Variants in KCTD9 observed in about 807,000 individuals in gnomAD.
The protein encoded by KCTD9 is BTB/POZ domain-containing protein KCTD9.
Under a neutral mutation model 53.3 loss-of-function variants are expected in KCTD9, and 17 were observed. The observed-to-expected ratio is 0.32, with a 90% confidence interval of 0.22 to 0.48. KCTD9 has a LOEUF of 0.48. Ranked by LOEUF, KCTD9 falls within the 20% of genes least tolerant of loss-of-function variation. The probability of loss-of-function intolerance (pLI) is 0.99; values close to 1 mark genes in which losing one functional copy is unlikely to be tolerated. For synonymous variants in KCTD9, 128 were observed against 162.7 expected, an observed-to-expected ratio of 0.79 and a Z score of 1.62; for missense variants, 179 against 465.5, an observed-to-expected ratio of 0.38 and a Z score of 5.66.
At position 25,451,438 on chromosome 8, in the gene KCTD9, T is replaced by C. The variant is rs1345094068; in HGVS notation, c.49-5188A>G. On this transcript the variant is annotated intron_variant, in intron 1 of 11. Transcript: ENST00000221200. ...TCCTCATACTGAGCCAAATAAATCA[T>C]AAAATGATAGTGCTTACAAAGGTCA... The C allele has an allele frequency of 2.0e-5, 3 of 152,186 alleles. No homozygotes were observed. The East Asian group carries it at 5.8e-4, about 29-fold the overall frequency. 9.4% of individuals were successfully genotyped at this position (152,186 alleles called of 1,614,324 possible).
Position 25,458,240 on chromosome 8 carries a change from G to A in KCTD9, c.7C>T (p.Arg3Trp). 1 of 1,379,662 alleles carries A rather than the reference G, an allele frequency of 7.2e-7. No homozygotes were observed. Among genetic ancestry groups the A allele is most frequent in the Non-Finnish European group, 9.6e-7 (1 of 1,040,200 alleles). 85.5% of individuals were successfully genotyped at this position (1,379,662 alleles called of 1,614,324 possible). Residue 3 changes from arginine to tryptophan, a missense_variant, in exon 1 of 12, where the codon CGG becomes TGG. Arg to Trp is a moderately radical substitution (Grantham distance 101, BLOSUM62 -3). Coordinates refer to ENST00000221200, the MANE Select transcript of KCTD9 (RefSeq NM_017634.4). ...CTGCCGTTCAGGAACAGGGTCACCCGCCTCATCGCGCTGCCCCCGCTGGGT... is the reference window on the plus strand; with the variant it reads ...CTGCCGTTCAGGAACAGGGTCACCCACCTCATCGCGCTGCCCCCGCTGGGT... MR[R>W]VTLFLNGSPK...
chr8:25,457,280 G>T, intron 1 of KCTD9: 1 of 809,636 alleles, frequency 1.2e-6, no homozygotes, highest in Non-Finnish European at 1.5e-6. Context: ...AACCAACACA[G>T]CGAGACCCAT....
intron 9 of KCTD9, 129 bp downstream of exon 9, chr8:25,435,234 T>C: frequency 1.7e-6 from 1 of 579,618 alleles, no homozygotes. Context: ...TATATCAACA[T>C]AATAAATTAT....
chr8:25,433,828 G>A (rs935627622), intron 9 of KCTD9, among the ~76,000 whole-genome samples: 14 of 152,074 alleles, frequency 9.2e-5, no homozygotes, highest in African/African-American at 3.4e-4. Context: ...ACTTGTTAGG[G>A]GTATGGATTT....
intron 1 of KCTD9, among the ~76,000 whole-genome samples, chr8:25,447,601 C>T (rs994962135): frequency 6.6e-6 from 1 of 152,074 alleles, no homozygotes; most frequent in Non-Finnish European, 1.5e-5. Context: ...CGATAACATA[C>T]GAGTGTGCAG....
intron 6 of KCTD9, among the ~76,000 whole-genome samples, chr8:25,438,158 T>G (rs1431052664): frequency 1.3e-5 from 2 of 152,168 alleles, no homozygotes; most frequent in Non-Finnish European, 2.9e-5. Flanking sequence ...TGACACAGCA[T>G]GGATAAATAT....
At position 25,427,863 on chromosome 8, in the gene KCTD9, TACTTTA is replaced by T. The variant is rs1235700392; in HGVS notation, c.*1988_*1993del. On this transcript the variant is annotated 3_prime_UTR_variant, in exon 12 of 12. Transcript: ENST00000221200. ...ATAATCATGTTTAAAGAAATAAATT[TACTTTA>T]ATGGTACTTTCAAAAAGACTAATCC... 9.6e-6 allele frequency: 1 copy of T among 104,514 alleles called. No homozygotes were observed. 6.5% of individuals were successfully genotyped at this position (104,514 alleles called of 1,614,324 possible).
chr8:25,440,260 A>G (rs4871941), intron 4 of KCTD9, among the ~76,000 whole-genome samples: 146,952 of 150,900 alleles, frequency 0.97, 71,658 homozygotes, highest in East Asian at 1. Context: ...GGGTTTCACC[A>G]TTTTAGCCGG....
At chr8:25,440,017 T>G (rs1428388263) in intron 4 of KCTD9, among the ~76,000 whole-genome samples, 1 of 152,182 alleles carries the variant, frequency 6.6e-6, no homozygotes, top group African/African-American at 2.4e-5. Flanking sequence ...GTGTTAATTT[T>G]TACTTATATT....
chr8:25,430,816 C>T (rs1365509630), intron 11 of KCTD9, among the ~76,000 whole-genome samples: 4 of 118,992 alleles, frequency 3.4e-5, no homozygotes, highest in East Asian at 4.4e-4. Flanking sequence ...AATACACACA[C>T]ACACACACAC....
Position 25,429,541 on chromosome 8 carries a change from C to T in KCTD9, c.*316G>A, listed in dbSNP as rs181578222. ...ACCAAGATGGTATTTCCACATCATG[C>T]CTATTTAAAAGCAAATATAATAGAT... is the stretch of plus-strand genomic sequence containing the variant. On this transcript the variant is annotated 3_prime_UTR_variant, in exon 12 of 12. Coordinates refer to ENST00000221200, the MANE Select transcript of KCTD9 (RefSeq NM_017634.4). 6.8e-5 allele frequency: 12 copies of T among 177,500 alleles called. No individual in the cohort carries two copies. The highest frequency in any genetic ancestry group is 1.2e-4 in the Admixed American group (2 of 16,798). The allele number at this position is 177,500 out of a possible 1,614,324, so 11.0% of individuals were successfully genotyped here. A position where few individuals can be genotyped will look rare whatever the true frequency, so the allele number is the denominator to read the frequency against.
intron 1 of KCTD9, among the ~76,000 whole-genome samples, chr8:25,454,089 G>A (rs2117447025): frequency 6.6e-6 from 1 of 152,200 alleles, no homozygotes; most frequent in Admixed American, 6.5e-5. Flanking sequence ...ATCTCACTAT[G>A]TTGCCCAGGC....
At chr8:25,457,927 C>T (rs866056194) in intron 1 of KCTD9, among the ~76,000 whole-genome samples, 265 of 150,906 alleles carry the variant, frequency 1.8e-3, no homozygotes, top group African/African-American at 6.3e-3. Context: ...CCCGCGCCCC[C>T]CGCACCAAGC....
At chr8:25,443,414 A>G (rs1442504032) in intron 3 of KCTD9, among the ~76,000 whole-genome samples, 1 of 152,200 alleles carries the variant, frequency 6.6e-6, no homozygotes, top group Non-Finnish European at 1.5e-5. Context: ...CTGAACATCA[A>G]TAAATGCAGA....
chr8:25,449,948 G>A (rs773647677), intron 1 of KCTD9, among the ~76,000 whole-genome samples: 21 of 152,136 alleles, frequency 1.4e-4, no homozygotes, highest in Non-Finnish European at 3.1e-4. Flanking sequence ...TATTTAGAGG[G>A]TTGGGATGTT....
rs1801876910 is a variant in KCTD9, at chr8:25,428,497, T to G, written c.*1360A>C. On this transcript the variant is annotated 3_prime_UTR_variant, in exon 12 of 12. Coordinates refer to ENST00000221200, the MANE Select transcript of KCTD9 (RefSeq NM_017634.4). ...TTTTCAATGATTCCTTGCCTCATGT[T>G]GATGAGTCTGTAGAATTCAGAACCC... 1.3e-5 allele frequency: 2 copies of G among 152,498 alleles called. No individual in the cohort carries two copies. Among genetic ancestry groups the G allele is most frequent in the African/African-American group, 4.8e-5 (2 of 41,414 alleles). The allele number at this position is 152,498 out of a possible 1,614,324, so 9.4% of individuals were successfully genotyped here.
intron 11 of KCTD9, among the ~76,000 whole-genome samples, chr8:25,430,808 TACACAC>T (rs139075991): frequency 0.18 from 26,274 of 145,200 alleles, 2,653 homozygotes; most frequent in East Asian, 0.24. Flanking sequence ...ACATAATAAA[TACACAC>T]ACACACACAC....
At chr8:25,458,176 G>T in intron 1 of KCTD9, 23 bp downstream of exon 1, 1 of 570,788 alleles carries the variant, frequency 1.8e-6, no homozygotes, top group South Asian at 2.7e-5. Flanking sequence ...CCGGCCCGCC[G>T]CGCCCCCTCA....
At chr8:25,446,304 A>C in intron 1 of KCTD9, 54 bp from the exon 2 acceptor site, 1 of 1,588,948 alleles carries the variant, frequency 6.3e-7, no homozygotes, top group Admixed American at 1.7e-5. Context: ...GTTATCCCCC[A>C]TAAGTTATAA....
Sources: allele counts gnomAD v4.1 joint callset (sites outside exome capture counted in the v4.1 genomes callset), GRCh38; gene constraint gnomAD v4.1.1; transcripts MANE v1.5; gene names NCBI Gene and HGNC (gene_info 2026-07-23, HGNC 2026-07-21).